The following ARHGEF10L variants were observed in gnomAD, a reference collection of about 807,000 sequenced individuals.
ARHGEF10L encodes the protein Rho guanine nucleotide exchange factor 10 like.
ARHGEF10L carries 69 observed loss-of-function variants against 141.2 expected under a neutral mutation model. The ratio of observed to expected loss-of-function variants is 0.49; its 90% CI spans 0.40 to 0.60. ARHGEF10L has a LOEUF of 0.60. Among genes scored for constraint, ARHGEF10L ranks in the 20% least tolerant of loss-of-function variants. The probability of loss-of-function intolerance (pLI) is 0.00; values close to 1 mark genes in which losing one functional copy is unlikely to be tolerated. For synonymous variants in ARHGEF10L, 711 were observed against 718.5 expected (o/e 0.99, Z 0.17); for missense variants, 1,482 against 1,734.3 (o/e 0.85, Z 2.58).
At chr1:17,689,254 G>T (rs1558041816) in intron 27 of ARHGEF10L, among the ~76,000 whole-genome samples, 1 of 151,900 alleles carries the variant, frequency 6.6e-6, no homozygotes, top group South Asian at 2.1e-4. Flanking sequence ...TTAATCTCCC[G>T]GAGCCCCTCA....
chr1:17,520,088 C>G, the ARHGEF10L span, among the ~76,000 whole-genome samples: 1 of 152,226 alleles, frequency 6.6e-6, no homozygotes, highest in Non-Finnish European at 1.5e-5. Context: ...CTTGGCACCC[C>G]CCTCTGGATT....
chr1:17,636,275 G>A (rs534028113), intron 18 of ARHGEF10L, among the ~76,000 whole-genome samples: 14 of 152,108 alleles, frequency 9.2e-5, no homozygotes, highest in Non-Finnish European at 1.6e-4. Flanking sequence ...AGACCCCTTC[G>A]AAAGGGGAAA....
intron 4 of ARHGEF10L, among the ~76,000 whole-genome samples, chr1:17,592,867 A>G (rs1160528391): frequency 2.0e-5 from 3 of 152,068 alleles, no homozygotes; most frequent in African/African-American, 7.2e-5. Flanking sequence ...CTCTCCGCCC[A>G]TGGAGTCCCC....
chr1:17,678,955 G>A (rs560862648), intron 26 of ARHGEF10L, among the ~76,000 whole-genome samples: 1 of 152,316 alleles, frequency 6.6e-6, no homozygotes, highest in African/African-American at 2.4e-5. Context: ...AGTAAAAATA[G>A]TTAACGATCT....
Position 17,654,635 on chromosome 1 carries a change from G to T in ARHGEF10L, c.2395-1G>T. The T allele has an allele frequency of 6.2e-7, 1 of 1,614,146 alleles. No individual in the cohort carries two copies. Among genetic ancestry groups the T allele is most frequent in the South Asian group, 1.1e-5 (1 of 91,074 alleles). ...CACATGTACCGTCTCTGTCTCTGCA[G>T]CTTGGGGCCCTGGTCCACAGTCCTG... On this transcript the variant is annotated splice_acceptor_variant, in intron 22 of 28. Transcript: ENST00000361221. LOFTEE classifies it high-confidence loss of function. This position sits in a 1 kb window ranked among gnomAD's most constrained non-coding sequence, Gnocchi z 4.3.
intron 10 of ARHGEF10L, among the ~76,000 whole-genome samples, chr1:17,620,714 G>T (rs1197305080): frequency 6.6e-6 from 1 of 152,140 alleles, no homozygotes; most frequent in Non-Finnish European, 1.5e-5. Flanking sequence ...GGACGCTCAG[G>T]ACAGCTGTGG....
chr1:17,525,652 C>G, the ARHGEF10L span, among the ~76,000 whole-genome samples: 1 of 152,068 alleles, frequency 6.6e-6, no homozygotes, highest in African/African-American at 2.4e-5. Flanking sequence ...GAGCGAGACT[C>G]CTTTCCAAAT....
At chr1:17,565,446 G>T (rs755926299) in intron 1 of ARHGEF10L, among the ~76,000 whole-genome samples, 1 of 152,132 alleles carries the variant, frequency 6.6e-6, no homozygotes, top group Admixed American at 6.5e-5. Flanking sequence ...CCATGCTTTT[G>T]GTCACCCTTT....
At position 17,656,924 on chromosome 1, in the gene ARHGEF10L, C is replaced by T. The variant is rs2062296735; in HGVS notation, c.2860+216C>T. Reference sequence around the variant, plus strand: ...AATAGGGTGCTCACTACCATGTGGGCAGTGGAACCTGTTGACAGGAGACTG... The same window carrying T: ...AATAGGGTGCTCACTACCATGTGGGTAGTGGAACCTGTTGACAGGAGACTG... On this transcript the variant is annotated intron_variant, in intron 25 of 28. Coordinates refer to ENST00000361221, the MANE Select transcript of ARHGEF10L (RefSeq NM_018125.4). The surrounding 1 kb of genome is among the most constrained non-coding windows in gnomAD (Gnocchi z 4.9). 6.6e-6 allele frequency among the ~76,000 whole-genome samples: 1 copy of T among 152,174 alleles called. No homozygotes were observed. The highest frequency in any genetic ancestry group is 1.5e-5 in the Non-Finnish European group (1 of 68,028).
chr1:17,517,121 A>G, the ARHGEF10L span, among the ~76,000 whole-genome samples: 1 of 152,194 alleles, frequency 6.6e-6, no homozygotes, highest in African/African-American at 2.4e-5. Flanking sequence ...TTTCAATCCA[A>G]CAGGGACTTC....
At position 17,573,651 on chromosome 1, in the gene ARHGEF10L, G is replaced by A. The variant is rs2078100471; in HGVS notation, c.-43-6902G>A. Among the ~76,000 whole-genome samples, 1 of 152,004 alleles carries A rather than the reference G, an allele frequency of 6.6e-6. No homozygotes were observed. Among genetic ancestry groups the A allele is most frequent in the African/African-American group, 2.4e-5 (1 of 41,392 alleles). On this transcript the variant is annotated intron_variant, in intron 1 of 28. Transcript: ENST00000361221. The surrounding 1 kb of genome is among the most constrained non-coding windows in gnomAD (Gnocchi z 4.8). ...GAGTCTGGGGCCGCCCCCCTCCCAC[G>A]CTGTCCAGCCACTTCTCCAGGCTGG...
chr1:17,560,315 C>T (rs1223026415), intron 1 of ARHGEF10L, among the ~76,000 whole-genome samples: 5 of 152,110 alleles, frequency 3.3e-5, no homozygotes, highest in African/African-American at 1.2e-4. Context: ...TGCCTCCCTG[C>T]AAAGTCCACA....
chr1:17,560,188 C>T (rs2077490540), intron 1 of ARHGEF10L, among the ~76,000 whole-genome samples: 1 of 152,012 alleles, frequency 6.6e-6, no homozygotes, highest in South Asian at 2.1e-4. Context: ...CACCACTGTC[C>T]GGGGGCAGGG....
chr1:17,653,536 C>A (rs972898921), intron 22 of ARHGEF10L, among the ~76,000 whole-genome samples: 1 of 152,218 alleles, frequency 6.6e-6, no homozygotes, highest in African/African-American at 2.4e-5. Context: ...AAAGGGCATG[C>A]ACCCTCAACT....
At chr1:17,595,243 TTTA>T (rs1036032865) in intron 4 of ARHGEF10L, among the ~76,000 whole-genome samples, 3 of 148,762 alleles carry the variant, frequency 2.0e-5, no homozygotes, top group African/African-American at 7.5e-5. Context: ...TTTTTTTTTT[TTTA>T]AAGCTAATTA....
intron 28 of ARHGEF10L, among the ~76,000 whole-genome samples, chr1:17,695,582 C>T (rs960417698): frequency 4.6e-5 from 7 of 152,226 alleles, no homozygotes; most frequent in African/African-American, 1.7e-4. Context: ...CTTCCCATAG[C>T]AGTTTCAAGA....
At chr1:17,516,172 G>A in the ARHGEF10L span, among the ~76,000 whole-genome samples, 1 of 152,234 alleles carries the variant, frequency 6.6e-6, no homozygotes. Context: ...GTATGGCTTA[G>A]GAAACTCATT....
chr1:17,681,065 G>A (rs972752940), intron 26 of ARHGEF10L, among the ~76,000 whole-genome samples: 1 of 152,228 alleles, frequency 6.6e-6, no homozygotes, highest in East Asian at 1.9e-4. Flanking sequence ...GAGCCACTAC[G>A]CCTGGTCCCC....
chr1:17,517,447 C>T, the ARHGEF10L span, among the ~76,000 whole-genome samples: 1 of 151,988 alleles, frequency 6.6e-6, no homozygotes, highest in African/African-American at 2.4e-5. Context: ...CCTCAGCCTC[C>T]TGAGTAGCTA....
Sources: gnomAD v4.1 joint callset for allele counts (sites outside exome capture counted in the v4.1 genomes callset) on GRCh38, gnomAD v4.1.1 for gene constraint, Gnocchi (gnomAD v3.1) non-coding constraint, MANE v1.5 for transcripts, NCBI Gene and HGNC (gene_info 2026-07-23, HGNC 2026-07-21) for gene names.